The following PPFIA2 variants were observed in gnomAD, a reference collection of about 807,000 sequenced individuals.
PPFIA2 encodes liprin-alpha-2.
Under a neutral mutation model 175.5 loss-of-function variants are expected in PPFIA2, and 46 were observed. The ratio of observed to expected loss-of-function variants is 0.26; its 90% CI spans 0.21 to 0.34. The LOEUF (loss-of-function observed/expected upper bound fraction) is 0.34. PPFIA2 is among the 10% of genes least tolerant of loss of function. The probability of loss-of-function intolerance (pLI) is 1.00; values close to 1 mark genes in which losing one functional copy is unlikely to be tolerated. For synonymous variants in PPFIA2, 568 were observed against 511.4 expected (o/e 1.11, Z -1.49); for missense variants, 1,179 against 1,506.1 (o/e 0.78, Z 3.60).
chr12:81,532,729 G>A (rs2064772066), intron 4 of PPFIA2, among the ~76,000 whole-genome samples: 2 of 151,580 alleles, frequency 1.3e-5, no homozygotes, highest in African/African-American at 2.4e-5. Context: ...TTTTTATTAT[G>A]ATTAAATTTA....
chr12:81,442,763 G>T (rs1176451398), intron 6 of PPFIA2, among the ~76,000 whole-genome samples: 3 of 140,742 alleles, frequency 2.1e-5, no homozygotes, highest in Non-Finnish European at 4.6e-5. Flanking sequence ...AGTTTATTTA[G>T]CTCTGCATAT....
chr12:81,719,101 T>C lies in PPFIA2; in HGVS notation c.249+34872A>G, dbSNP rs1460688246. ...AAGTAGTTATAAAGCAATTTAAAAA[T>C]AACATTGCATATGAATTCCCATTAA... On this transcript the variant is annotated intron_variant, in intron 3 of 32. Transcript: ENST00000549396. Among the ~76,000 whole-genome samples the C allele has an allele frequency of 2.0e-5, 3 of 151,634 alleles. No individual in the cohort carries two copies. The East Asian group carries it at 5.8e-4, about 29-fold the overall frequency.
chr12:81,493,216 C>A (rs1436058019), intron 4 of PPFIA2, among the ~76,000 whole-genome samples: 1 of 151,912 alleles, frequency 6.6e-6, no homozygotes, highest in Non-Finnish European at 1.5e-5. Context: ...GGAGAAGGGT[C>A]CAAGTTGGAG....
Position 81,294,651 on chromosome 12 carries a change from A to G in PPFIA2, c.2925+184T>C, listed in dbSNP as rs200098669. On this transcript the variant is annotated intron_variant, in intron 24 of 32. Coordinates refer to ENST00000549396, the MANE Select transcript of PPFIA2 (RefSeq NM_003625.5). ...ATGCTAGCTTTCACGTCTGATATGA[A>G]TCATAGTTCCTCATTTGAAAACCTA... The G allele has an allele frequency of 8.0e-6, 5 of 627,928 alleles. No individual in the cohort carries two copies. The East Asian group carries it at 1.4e-4, about 17-fold the overall frequency. The allele number at this position is 627,928 out of a possible 1,614,324, so 38.9% of individuals were successfully genotyped here.
chr12:81,558,720 T>C (rs2069345756), intron 4 of PPFIA2, among the ~76,000 whole-genome samples: 1 of 152,174 alleles, frequency 6.6e-6, no homozygotes. Context: ...TATGTATTTC[T>C]GATCCTGTAA....
intron 19 of PPFIA2, among the ~76,000 whole-genome samples, chr12:81,344,221 G>T (rs547488940): frequency 6.6e-6 from 1 of 152,088 alleles, no homozygotes; most frequent in Admixed American, 6.6e-5. Context: ...CTCCTCTTGG[G>T]AACTGTGAGT....
intron 8 of PPFIA2, among the ~76,000 whole-genome samples, chr12:81,391,271 A>C (rs2040057189): frequency 1.3e-5 from 2 of 151,932 alleles, no homozygotes; most frequent in Admixed American, 1.3e-4. Flanking sequence ...GGAGGGGAGT[A>C]CTTATTCTAG....
chr12:81,449,500 A>G (rs1420791117), intron 5 of PPFIA2, among the ~76,000 whole-genome samples: 5 of 151,792 alleles, frequency 3.3e-5, no homozygotes, highest in Admixed American at 2.0e-4. Flanking sequence ...AAAAAAAAAA[A>G]ACAAAAAAAA....
At chr12:81,699,101 T>C (rs536091968) in intron 3 of PPFIA2, among the ~76,000 whole-genome samples, 1 of 151,974 alleles carries the variant, frequency 6.6e-6, no homozygotes, top group Admixed American at 6.6e-5. Flanking sequence ...ATTTTAGAAA[T>C]AAAACATTAT....
intron 4 of PPFIA2, among the ~76,000 whole-genome samples, chr12:81,662,765 A>G (rs925446129): frequency 1.3e-5 from 2 of 152,174 alleles, no homozygotes; most frequent in Admixed American, 1.3e-4. Context: ...AGAATTTTCA[A>G]CCAATATCCC....
intron 4 of PPFIA2, among the ~76,000 whole-genome samples, chr12:81,627,039 C>CA (rs757720675): frequency 6.6e-5 from 10 of 151,930 alleles, no homozygotes; most frequent in Admixed American, 3.3e-4. Flanking sequence ...TGCAAGGTCT[C>CA]AAAATCCATG....
intron 3 of PPFIA2, among the ~76,000 whole-genome samples, chr12:81,724,962 C>A (rs2079859938): frequency 6.6e-6 from 1 of 150,966 alleles, no homozygotes; most frequent in Admixed American, 6.6e-5. Flanking sequence ...TATAATAGGT[C>A]CTTTTTCTCC....
intron 32 of PPFIA2, 112 bp from the exon 33 acceptor site, chr12:81,259,772 G>T: frequency 1.2e-6 from 1 of 840,904 alleles, no homozygotes; most frequent in Non-Finnish European, 1.8e-6. Flanking sequence ...TGTCCTAGAA[G>T]ATCATGAGAA....
At chr12:81,400,771 G>A (rs1412487238) in intron 8 of PPFIA2, among the ~76,000 whole-genome samples, 1 of 152,108 alleles carries the variant, frequency 6.6e-6, no homozygotes, top group East Asian at 1.9e-4. Flanking sequence ...CTCAAAGTGG[G>A]AATGATAAGC....
intron 4 of PPFIA2, among the ~76,000 whole-genome samples, chr12:81,669,956 A>C (rs2153561703): frequency 6.6e-6 from 1 of 152,122 alleles, no homozygotes; most frequent in Non-Finnish European, 1.5e-5. Flanking sequence ...ACAGATGAGA[A>C]AGAATGGTGG....
At chr12:81,444,558 A>G (rs1477247437) in intron 6 of PPFIA2, among the ~76,000 whole-genome samples, 1 of 152,136 alleles carries the variant, frequency 6.6e-6, no homozygotes, top group East Asian at 1.9e-4. Flanking sequence ...CGTTGCTAAA[A>G]TAAAAATGAG....
chr12:81,457,011 T>G (rs1220216832), intron 5 of PPFIA2, among the ~76,000 whole-genome samples: 1 of 151,874 alleles, frequency 6.6e-6, no homozygotes, highest in Admixed American at 6.6e-5. Flanking sequence ...TTATTTATTA[T>G]TATTATTTTT....
intron 16 of PPFIA2, among the ~76,000 whole-genome samples, chr12:81,357,642 A>G (rs144791614): frequency 6.6e-6 from 1 of 152,342 alleles, no homozygotes; most frequent in East Asian, 1.9e-4. Context: ...AATGAACAAC[A>G]TGAATGCCAT....
intron 3 of PPFIA2, among the ~76,000 whole-genome samples, chr12:81,745,546 G>A (rs183519980): frequency 2.6e-5 from 4 of 152,170 alleles, no homozygotes; most frequent in East Asian, 1.9e-4. Context: ...GAACCCCTCT[G>A]TCTGTTCTCT....
Sources: gnomAD v4.1 joint callset for allele counts (sites outside exome capture counted in the v4.1 genomes callset) on GRCh38, gnomAD v4.1.1 for gene constraint, MANE v1.5 for transcripts, NCBI Gene and HGNC (gene_info 2026-07-23, HGNC 2026-07-21) for gene names.